The following CFI variants were observed in gnomAD, a reference collection of about 807,000 sequenced individuals.
The protein encoded by CFI is C3B/C4B inactivator.
CFI carries 66 observed loss-of-function variants against 78.8 expected under a neutral mutation model. The ratio of observed to expected loss-of-function variants is 0.84; its 90% CI spans 0.69 to 1.03. The LOEUF is 1.03. Among genes scored for constraint, CFI ranks in the 50% least tolerant of loss-of-function variants. CFI has a pLI of 0.00. For synonymous variants in CFI, 250 were observed against 232.6 expected, an observed-to-expected ratio of 1.07 and a Z score of -0.68; for missense variants, 706 against 704.5, an observed-to-expected ratio of 1.00 and a Z score of -0.02.
intron 3 of CFI, among the ~76,000 whole-genome samples, chr4:109,763,636 A>G (rs1334594866): frequency 6.6e-6 from 1 of 152,124 alleles, no homozygotes; most frequent in Non-Finnish European, 1.5e-5. Context: ...CTGAAAGTAA[A>G]GAAATAGAGA....
chr4:109,774,664 C>A (rs75447116), intron 1 of CFI, among the ~76,000 whole-genome samples: 13,655 of 152,130 alleles, frequency 0.09, 1,315 homozygotes, highest in African/African-American at 0.24. Context: ...AGGGTGTAAA[C>A]CCTCCAGTGT....
intron 7 of CFI, among the ~76,000 whole-genome samples, 173 bp from the exon 8 acceptor site, chr4:109,752,676 A>G (rs1264576281): frequency 6.6e-6 from 1 of 151,274 alleles, no homozygotes; most frequent in African/African-American, 2.4e-5. Context: ...TTCTATAATT[A>G]GGTAATTGTA....
intron 1 of CFI, among the ~76,000 whole-genome samples, chr4:109,782,784 T>C (rs1346088637): frequency 6.6e-6 from 1 of 151,978 alleles, no homozygotes; most frequent in African/African-American, 2.4e-5. Flanking sequence ...AACTATACTA[T>C]AAGGCCATAG....
intron 1 of CFI, among the ~76,000 whole-genome samples, chr4:109,775,755 T>C (rs12641574): frequency 0.34 from 51,211 of 152,068 alleles, 8,881 homozygotes; most frequent in East Asian, 0.44. Flanking sequence ...CAGTAGGAGC[T>C]GACTGACACC....
chr4:109,780,081 A>T (rs1333593038), intron 1 of CFI, among the ~76,000 whole-genome samples: 1 of 152,202 alleles, frequency 6.6e-6, no homozygotes, highest in African/African-American at 2.4e-5. Context: ...GGCCATAGGC[A>T]TGGGCAAGGA....
the CFI span, among the ~76,000 whole-genome samples, chr4:109,731,245 C>T: frequency 4.0e-5 from 6 of 151,860 alleles, no homozygotes; most frequent in Non-Finnish European, 8.8e-5. Context: ...ACTCGGGAGG[C>T]GGAGGCAGGA....
At chr4:109,768,388 C>T (rs1013917162) in intron 1 of CFI, among the ~76,000 whole-genome samples, 1 of 150,148 alleles carries the variant, frequency 6.7e-6, no homozygotes, top group Non-Finnish European at 1.5e-5. Context: ...GCTTCTAGAC[C>T]CAGTTTTGGC....
At chr4:109,762,473 A>G (rs1727211340) in intron 3 of CFI, 1 of 152,148 alleles carries the variant, frequency 6.6e-6, no homozygotes, top group Non-Finnish European at 1.5e-5. Context: ...TATCCTAGAG[A>G]TGATGATTTA....
chr4:109,786,961 A>G lies in CFI; in HGVS notation c.57+14954T>C, dbSNP rs371996358. On this transcript the variant is annotated intron_variant, in intron 1 of 12. Transcript: ENST00000394634. ...CCTGTTCTTTGAAAGATGCTTGGAA[A>G]GTACTTGTGCAACTGGGTTTGTCCT... 3.3e-5 allele frequency among the ~76,000 whole-genome samples: 5 copies of G among 152,086 alleles called. No homozygotes were observed. The South Asian group carries it at 6.2e-4, about 19-fold the overall frequency.
rs1271520026 is a variant in CFI at position 109,790,282 on chromosome 4, G to T, written c.57+11633C>A. Among the ~76,000 whole-genome samples, 6 of 151,634 alleles carry T rather than the reference G, an allele frequency of 4.0e-5. No individual in the cohort carries two copies. The East Asian group carries it at 1.2e-3, about 29-fold the overall frequency. ...AACTTGTGATTTCATTGATTCTATTGTCTTACTATATATTTTTTGTTTCTA... is the reference window on the plus strand; with the variant it reads ...AACTTGTGATTTCATTGATTCTATTTTCTTACTATATATTTTTTGTTTCTA... On this transcript the variant is annotated intron_variant, in intron 1 of 12. Coordinates refer to ENST00000394634, the MANE Select transcript of CFI (RefSeq NM_000204.5).
chr4:109,779,591 T>C (rs1729723842), intron 1 of CFI, among the ~76,000 whole-genome samples: 1 of 152,106 alleles, frequency 6.6e-6, no homozygotes, highest in Non-Finnish European at 1.5e-5. Context: ...GCCATCCCCA[T>C]CAAGCTACCA....
At chr4:109,764,924 G>A (rs1339261628) in intron 2 of CFI, among the ~76,000 whole-genome samples, 1 of 152,118 alleles carries the variant, frequency 6.6e-6, no homozygotes, top group Non-Finnish European at 1.5e-5. Context: ...TGAGGATAAA[G>A]CCTATTTATT....
At chr4:109,732,762 C>A in the CFI span, among the ~76,000 whole-genome samples, 23 of 150,232 alleles carry the variant, frequency 1.5e-4, no homozygotes, top group Non-Finnish European at 2.4e-4. Context: ...GAGGCTGAGG[C>A]AGGTGAATGG....
At chr4:109,787,880 T>G (rs1414821680) in intron 1 of CFI, among the ~76,000 whole-genome samples, 1 of 152,042 alleles carries the variant, frequency 6.6e-6, no homozygotes, top group African/African-American at 2.4e-5. Context: ...TTTTAATAGA[T>G]TTTTTTGAAT....
rs1729740092 is a variant in CFI at position 109,779,715 on chromosome 4, G to A, written c.58-12891C>T. Among the ~76,000 whole-genome samples, 3 of 152,136 alleles carry A rather than the reference G, an allele frequency of 2.0e-5. 1 individual carries two copies. The South Asian group carries it at 6.2e-4, about 32-fold the overall frequency. ...AAAAGAAGAAAGCTGGAGGCATCAT[G>A]TGACCTGACTTCAAACTATACTACA... On this transcript the variant is annotated intron_variant, in intron 1 of 12. Coordinates refer to ENST00000394634, the MANE Select transcript of CFI (RefSeq NM_000204.5).
intron 6 of CFI, 28 bp from the exon 7 acceptor site, chr4:109,757,811 T>C: frequency 2.2e-6 from 3 of 1,341,426 alleles, no homozygotes; most frequent in Non-Finnish European, 3.0e-6. Flanking sequence ...AAAAAATTTA[T>C]CAAAGGATAA....
At chr4:109,742,204 A>C in intron 12 of CFI, 1 of 377,806 alleles carries the variant, frequency 2.6e-6, no homozygotes, top group Non-Finnish European at 4.9e-6. Flanking sequence ...CATGACTAGC[A>C]ATTAGTAAAA....
the CFI span, among the ~76,000 whole-genome samples, chr4:109,733,871 T>A: frequency 6.6e-6 from 1 of 152,176 alleles, no homozygotes; most frequent in Non-Finnish European, 1.5e-5. Context: ...GAAATGGCTT[T>A]TAAAGTCATG....
intron 1 of CFI, among the ~76,000 whole-genome samples, chr4:109,770,748 A>T (rs1226674984): frequency 1.3e-5 from 2 of 151,120 alleles, no homozygotes; most frequent in Non-Finnish European, 3.0e-5. Flanking sequence ...TGGGGAGAGG[A>T]CTGCAGGATA....
Sources: allele counts gnomAD v4.1 joint callset (sites outside exome capture counted in the v4.1 genomes callset), GRCh38; gene constraint gnomAD v4.1.1; transcripts MANE v1.5; gene names NCBI Gene and HGNC (gene_info 2026-07-23, HGNC 2026-07-21).